PRUNE2: variants seen among roughly 807,000 people sequenced by gnomAD.
PRUNE2 encodes prune homolog 2 with BCH domain, also known as protein prune homolog 2.
PRUNE2 carries 164 observed loss-of-function variants against 252.0 expected under a neutral mutation model. That is an observed-to-expected ratio of 0.65 (90% CI 0.57 to 0.74). The LOEUF is 0.74. PRUNE2 is among the 30% of genes least tolerant of loss of function. PRUNE2 has a pLI of 0.00. For missense variants in PRUNE2, 3,495 were observed against 3,711.0 expected (o/e 0.94, Z 1.51); for synonymous variants, 1,292 against 1,350.2 (o/e 0.96, Z 0.94).
chr9:76,881,760 T>C (rs1163691846), intron 1 of PRUNE2, among the ~76,000 whole-genome samples: 1 of 152,172 alleles, frequency 6.6e-6, no homozygotes, highest in African/African-American at 2.4e-5. Context: ...TAGCTGGGAC[T>C]ACAGGCATGC....
chr9:76,720,909 C>G (rs935238266), intron 6 of PRUNE2, among the ~76,000 whole-genome samples: 1 of 152,010 alleles, frequency 6.6e-6, no homozygotes, highest in East Asian at 1.9e-4. Flanking sequence ...ATCAGGAGAT[C>G]GAGACCACGG....
chr9:76,703,023 T>C (rs1272243077), intron 9 of PRUNE2, among the ~76,000 whole-genome samples: 2 of 152,144 alleles, frequency 1.3e-5, no homozygotes, highest in East Asian at 1.9e-4. Context: ...GATTAAATGT[T>C]AGTGTCACTT....
intron 6 of PRUNE2, among the ~76,000 whole-genome samples, chr9:76,798,406 C>T (rs2056285623): frequency 6.6e-6 from 1 of 152,162 alleles, no homozygotes; most frequent in African/African-American, 2.4e-5. Context: ...CTGTATCTGG[C>T]TTACTTCACT....
At chr9:76,827,909 C>A (rs568869931) in intron 4 of PRUNE2, among the ~76,000 whole-genome samples, 1 of 152,186 alleles carries the variant, frequency 6.6e-6, no homozygotes, top group Non-Finnish European at 1.5e-5. Context: ...GTAAATATTG[C>A]TAAATATATT....
intron 4 of PRUNE2, among the ~76,000 whole-genome samples, chr9:76,841,035 C>T (rs1478138548): frequency 6.6e-6 from 1 of 151,706 alleles, no homozygotes; most frequent in Non-Finnish European, 1.5e-5. Flanking sequence ...CAAATAGGAA[C>T]AGCTCCGGTC....
chr9:76,617,866 C>T (rs1830426709), intron 18 of PRUNE2, among the ~76,000 whole-genome samples: 1 of 152,190 alleles, frequency 6.6e-6, no homozygotes, highest in African/African-American at 2.4e-5. Context: ...CACATGTGCC[C>T]TCTCTGCTGC....
chr9:76,748,045 C>G (rs2050293542), intron 6 of PRUNE2, among the ~76,000 whole-genome samples: 1 of 152,102 alleles, frequency 6.6e-6, no homozygotes, highest in South Asian at 2.1e-4. Context: ...ATCCACCCAT[C>G]TCGGCCTCCC....
At chr9:76,882,554 T>G (rs1218907743) in intron 1 of PRUNE2, among the ~76,000 whole-genome samples, 3 of 151,912 alleles carry the variant, frequency 2.0e-5, no homozygotes, top group Admixed American at 2.0e-4. Context: ...CTAATCAAGG[T>G]GGAAGGCAAG....
chr9:76,767,176 G>A (rs570365896), intron 6 of PRUNE2, among the ~76,000 whole-genome samples: 1 of 152,286 alleles, frequency 6.6e-6, no homozygotes, highest in Admixed American at 6.5e-5. Context: ...CTTTGGCCAG[G>A]CACTGTGGGT....
chr9:76,673,798 A>G (rs1281989043), intron 9 of PRUNE2, among the ~76,000 whole-genome samples: 1 of 151,554 alleles, frequency 6.6e-6, no homozygotes, highest in African/African-American at 2.4e-5. Context: ...AACCAAAGAC[A>G]AAAACCACAT....
chr9:76,852,139 T>G (rs765919252), intron 2 of PRUNE2, among the ~76,000 whole-genome samples: 5 of 152,224 alleles, frequency 3.3e-5, no homozygotes, highest in Non-Finnish European at 7.3e-5. Flanking sequence ...TTAGTACATA[T>G]TTGTTGAATG....
At chr9:76,711,854 A>G (rs626837) in intron 7 of PRUNE2, among the ~76,000 whole-genome samples, 79,709 of 152,012 alleles carry the variant, frequency 0.52, 22,219 homozygotes, top group Middle Eastern at 0.72. Context: ...ATGCTCCCGC[A>G]GTCTGATCTT....
intron 15 of PRUNE2, among the ~76,000 whole-genome samples, chr9:76,635,383 C>T (rs1163023033): frequency 1.3e-5 from 2 of 152,084 alleles, no homozygotes; most frequent in Non-Finnish European, 2.9e-5. Flanking sequence ...TGAAATTTTC[C>T]CATCTTAAAA....
chr9:76,894,162 T>C (rs17194582), intron 1 of PRUNE2, among the ~76,000 whole-genome samples: 15,906 of 152,176 alleles, frequency 0.1, 1,074 homozygotes, highest in South Asian at 0.23. Flanking sequence ...ATCAAAGTTG[T>C]AAATTAATCC....
At chr9:76,778,541 G>A (rs954239313) in intron 6 of PRUNE2, 3 of 152,186 alleles carry the variant, frequency 2.0e-5, no homozygotes, top group African/African-American at 7.2e-5. Context: ...GGTTCAACGA[G>A]GACTTGGAAT....
intron 9 of PRUNE2, among the ~76,000 whole-genome samples, chr9:76,674,350 G>A (rs1387735736): frequency 6.6e-6 from 1 of 152,090 alleles, no homozygotes; most frequent in Admixed American, 6.6e-5. Flanking sequence ...ACTTACAAGG[G>A]ATGTGAAGGA....
intron 4 of PRUNE2, among the ~76,000 whole-genome samples, chr9:76,833,154 A>C (rs1438408694): frequency 1.3e-5 from 2 of 152,222 alleles, no homozygotes; most frequent in African/African-American, 4.8e-5. Context: ...AATTTTATGA[A>C]TCTAGCAAAA....
intron 15 of PRUNE2, among the ~76,000 whole-genome samples, chr9:76,630,376 GT>G (rs1837032939): frequency 6.6e-6 from 1 of 151,318 alleles, no homozygotes; most frequent in Non-Finnish European, 1.5e-5. Context: ...AAATGTGTTC[GT>G]TTTAGAGATG....
At chr9:76,639,947 C>T (rs1841853031) in intron 12 of PRUNE2, among the ~76,000 whole-genome samples, 1 of 152,204 alleles carries the variant, frequency 6.6e-6, no homozygotes, top group Admixed American at 6.5e-5. Context: ...CCCATAGTTT[C>T]TTTGAAACTC....
Sources: gnomAD v4.1 joint callset for allele counts (sites outside exome capture counted in the v4.1 genomes callset) on GRCh38, gnomAD v4.1.1 for gene constraint, MANE v1.5 for transcripts, NCBI Gene and HGNC (gene_info 2026-07-23, HGNC 2026-07-21) for gene names.